The following UPP2 variants were observed in gnomAD, a reference collection of about 807,000 sequenced individuals.
UPP2 encodes the protein UPase 2.
UPP2 carries 23 observed loss-of-function variants against 26.7 expected under a neutral mutation model. The observed-to-expected ratio is 0.86, with a 90% CI of 0.62 to 1.22. The LOEUF is 1.22. Among genes scored for constraint, UPP2 ranks in the 50% most tolerant of loss-of-function variants. The pLI, the probability that UPP2 is intolerant of heterozygous loss-of-function variation, is 0.00. For missense variants in UPP2, 387 were observed against 396.7 expected, an observed-to-expected ratio of 0.98 and a Z score of 0.21; for synonymous variants, 127 against 141.3, an observed-to-expected ratio of 0.90 and a Z score of 0.72.
At chr2:158,086,809 C>T (rs553516022) in intron 3 of UPP2, among the ~76,000 whole-genome samples, 1 of 152,072 alleles carries the variant, frequency 6.6e-6, no homozygotes, top group East Asian at 1.9e-4. Context: ...TTGAAGGTTC[C>T]TTTTTGAGTT....
intron 2 of UPP2, among the ~76,000 whole-genome samples, chr2:158,007,674 C>G (rs151229284): frequency 4.2e-4 from 63 of 149,924 alleles, no homozygotes; most frequent in African/African-American, 1.4e-3. Context: ...GTCGCTCAGA[C>G]TGGAGTGCAG....
At chr2:158,018,982 G>C (rs1032140177) in intron 3 of UPP2, among the ~76,000 whole-genome samples, 1 of 152,030 alleles carries the variant, frequency 6.6e-6, no homozygotes, top group African/African-American at 2.4e-5. Context: ...CCCAAGATAG[G>C]TAGATCTCCA....
intron 3 of UPP2, among the ~76,000 whole-genome samples, chr2:158,059,195 A>G (rs1222877710): frequency 6.6e-6 from 1 of 152,242 alleles, no homozygotes; most frequent in Non-Finnish European, 1.5e-5. Context: ...GATCATAGAT[A>G]TCTTCAAGAA....
At chr2:158,073,532 A>G (rs1333400138) in intron 3 of UPP2, among the ~76,000 whole-genome samples, 1 of 152,180 alleles carries the variant, frequency 6.6e-6, no homozygotes, top group African/African-American at 2.4e-5. Flanking sequence ...AGACTACCTC[A>G]AGGCATTTAA....
chr2:158,042,762 T>C (rs1684098662), intron 3 of UPP2, among the ~76,000 whole-genome samples: 1 of 152,136 alleles, frequency 6.6e-6, no homozygotes, highest in African/African-American at 2.4e-5. Context: ...AGGAGGACAC[T>C]GGGTGGCAGA....
At chr2:158,119,772 A>G (rs1683520136) in intron 4 of UPP2, among the ~76,000 whole-genome samples, 1 of 151,886 alleles carries the variant, frequency 6.6e-6, no homozygotes, top group Non-Finnish European at 1.5e-5. Context: ...GTACTTTGGG[A>G]GGCCGAGGCA....
intron 1 of UPP2, 40 bp from the exon 2 acceptor site, chr2:158,106,059 A>G: frequency 6.9e-7 from 1 of 1,458,420 alleles, no homozygotes; most frequent in Non-Finnish European, 9.3e-7. Flanking sequence ...CTTTCTCTCA[A>G]AATTCTTTTA....
At chr2:158,104,816 G>C (rs1683145617) in intron 1 of UPP2, among the ~76,000 whole-genome samples, 1 of 151,864 alleles carries the variant, frequency 6.6e-6, no homozygotes, top group African/African-American at 2.4e-5. Context: ...TGGATACTCA[G>C]CAGGCTGAGG....
intron 3 of UPP2, among the ~76,000 whole-genome samples, chr2:158,043,143 C>T (rs1179113439): frequency 6.6e-6 from 1 of 152,202 alleles, no homozygotes; most frequent in Non-Finnish European, 1.5e-5. Context: ...TCTCTGCTCT[C>T]ACTGGGGCAG....
chr2:158,029,514 G>T (rs752033504), intron 3 of UPP2, among the ~76,000 whole-genome samples: 1 of 152,178 alleles, frequency 6.6e-6, no homozygotes, highest in Non-Finnish European at 1.5e-5. Flanking sequence ...CCTTGACAAG[G>T]CTACAGATTT....
At chr2:157,999,299 C>G (rs2105461197) in intron 2 of UPP2, among the ~76,000 whole-genome samples, 1 of 152,242 alleles carries the variant, frequency 6.6e-6, no homozygotes, top group Admixed American at 6.5e-5. Flanking sequence ...CTGCCTCAGC[C>G]TCCCAAGTAG....
At chr2:158,056,800 A>T (rs1459374127) in intron 3 of UPP2, among the ~76,000 whole-genome samples, 1 of 152,182 alleles carries the variant, frequency 6.6e-6, no homozygotes, top group Non-Finnish European at 1.5e-5. Context: ...CCTTATTTTC[A>T]ATTAAGGTGG....
chr2:158,023,236 G>GGGT (rs755348959), intron 3 of UPP2, among the ~76,000 whole-genome samples: 2 of 142,992 alleles, frequency 1.4e-5, no homozygotes, highest in Admixed American at 7.1e-5. Flanking sequence ...CAGTTGGGGG[G>GGGT]GGGCATTTGG....
intron 3 of UPP2, among the ~76,000 whole-genome samples, chr2:158,070,100 G>A (rs1387335468): frequency 1.3e-5 from 2 of 152,212 alleles, no homozygotes; most frequent in Admixed American, 1.3e-4. Context: ...GTGGCTCCTT[G>A]TATCTGCTAT....
chr2:158,068,789 TATATATATATATA>T (rs1232837726), intron 3 of UPP2, among the ~76,000 whole-genome samples: 90 of 16,436 alleles, frequency 5.5e-3, no homozygotes, highest in South Asian at 8.1e-3. Context: ...TATATATATA[TATATATATATATA>T]TTTTTTTTTT....
chr2:158,009,327 TAGC>T (rs1245487667), intron 2 of UPP2, among the ~76,000 whole-genome samples: 3 of 152,214 alleles, frequency 2.0e-5, no homozygotes, highest in African/African-American at 7.2e-5. Context: ...CACACAGTAA[TAGC>T]AGATTTGCTT....
intron 3 of UPP2, among the ~76,000 whole-genome samples, chr2:158,038,721 G>T (rs756042513): frequency 1.2e-4 from 19 of 152,178 alleles, no homozygotes; most frequent in Admixed American, 2.6e-4. Context: ...TACTCTCTCT[G>T]CTTCCTGACC....
chr2:158,103,790 TC>T (rs556570972), intron 1 of UPP2, among the ~76,000 whole-genome samples: 163 of 152,252 alleles, frequency 1.1e-3, no homozygotes, highest in African/African-American at 3.7e-3. Context: ...CCTAATGAGC[TC>T]CCCAGATGTT....
intron 3 of UPP2, among the ~76,000 whole-genome samples, chr2:158,079,002 T>C (rs1373131949): frequency 1.3e-5 from 2 of 152,100 alleles, no homozygotes; most frequent in African/African-American, 2.4e-5. Context: ...CAGTTTCCCA[T>C]ATACTGTTTT....
Sources: allele counts gnomAD v4.1 joint callset (sites outside exome capture counted in the v4.1 genomes callset), GRCh38; gene constraint gnomAD v4.1.1; transcripts MANE v1.5; gene names NCBI Gene and HGNC (gene_info 2026-07-23, HGNC 2026-07-21).